The following DET1 variants were observed in gnomAD, a reference collection of about 807,000 sequenced individuals.
DET1 encodes DET1 homolog.
In DET1, 22 loss-of-function variants were observed where a neutral mutation model predicts 43.7. The ratio of observed to expected loss-of-function variants is 0.50; its 90% CI spans 0.36 to 0.72. The LOEUF (loss-of-function observed/expected upper bound fraction) is 0.72. Ranked by LOEUF, DET1 falls within the 30% of genes least tolerant of loss-of-function variation. The pLI is 0.00. For synonymous variants in DET1, 315 were observed against 266.2 expected (o/e 1.18, Z -1.79); for missense variants, 713 against 713.3 (o/e 1.00, Z 0.00).
At chr15:88,534,051 A>G (rs1010344215) in intron 1 of DET1, among the ~76,000 whole-genome samples, 5 of 152,118 alleles carry the variant, frequency 3.3e-5, no homozygotes, top group African/African-American at 1.2e-4. Context: ...CACAATGTGA[A>G]TATACTTAAT....
At position 88,530,623 on chromosome 15, in the gene DET1, C is replaced by A. The variant is rs773196851; in HGVS notation, c.1083G>T (p.Gln361His). The change falls in exon 2 of 5, where the codon CAG becomes CAT. Residue 361 changes from glutamine to histidine, a missense_variant and splice_region_variant. Transcript: ENST00000268148. ...TAAAAGGCAGGAGTGTACCTCATAC[C>A]TGTGATGGATCTGTGACTCGCAGTG... ...VVTLRVTDPS[Q>H]ASFFVVYNMV... The A allele has an allele frequency of 6.3e-7, 1 of 1,598,400 alleles. No individual in the cohort carries two copies. Among genetic ancestry groups the A allele is most frequent in the Non-Finnish European group, 8.5e-7 (1 of 1,171,582 alleles).
At chr15:88,524,720 T>C (rs529638351) in intron 3 of DET1, among the ~76,000 whole-genome samples, 83 of 152,262 alleles carry the variant, frequency 5.5e-4, no homozygotes, top group Admixed American at 3.9e-3. Flanking sequence ...CGGTGCAAGA[T>C]GTGCTTTGTT....
At position 88,519,402 on chromosome 15, in the gene DET1, C is replaced by T. The variant is rs901337743; in HGVS notation, c.1272-2429G>A. On this transcript the variant is annotated intron_variant, in intron 3 of 4. Coordinates refer to ENST00000268148, the MANE Select transcript of DET1 (RefSeq NM_001144074.3). ...CTTGACCTCCTCTCAACCTCAACTG[C>T]TTATTCCACAGTCACACCCTCAACC... Among the ~76,000 whole-genome samples the T allele has an allele frequency of 2.0e-5, 3 of 152,190 alleles. No homozygotes were observed. The East Asian group carries it at 5.8e-4, about 29-fold the overall frequency.
chr15:88,517,183 G>A (rs1170735267), intron 3 of DET1, among the ~76,000 whole-genome samples: 1 of 150,692 alleles, frequency 6.6e-6, no homozygotes, highest in Admixed American at 6.6e-5. Context: ...AACTAAAAAT[G>A]GAAAACAACA....
intron 1 of DET1, among the ~76,000 whole-genome samples, chr15:88,544,196 G>A (rs1425833117): frequency 2.0e-5 from 3 of 152,156 alleles, no homozygotes; most frequent in African/African-American, 2.4e-5. Flanking sequence ...TTCAGTGGAA[G>A]CTCCATTGTG....
At chr15:88,521,210 G>A (rs2056481729) in intron 3 of DET1, among the ~76,000 whole-genome samples, 1 of 152,132 alleles carries the variant, frequency 6.6e-6, no homozygotes, top group South Asian at 2.1e-4. Flanking sequence ...AGGGCCTTTA[G>A]ATATGCTATT....
At chr15:88,539,117 T>G (rs200696963) in intron 1 of DET1, among the ~76,000 whole-genome samples, 207 of 142,676 alleles carry the variant, frequency 1.5e-3, no homozygotes, top group African/African-American at 5.0e-3. Flanking sequence ...CTCTCTCTCT[T>G]TCTCTTATTC....
In DET1 at chr15:88,542,480, C is replaced by T. The variant is rs143356792; in HGVS notation, c.-11+4060G>A. Among the ~76,000 whole-genome samples, 825 of 152,286 alleles carry T rather than the reference C, an allele frequency of 5.4e-3. 3 individuals are homozygous for T. Among genetic ancestry groups the T allele is most frequent in the Middle Eastern group, 0.01 (3 of 294 alleles). ...CAGGAGGCTTATCGCATTTATACTC[C>T]TTTTGACCCGGTGGCTCCCGAAAAT... is the stretch of plus-strand genomic sequence containing the variant. On this transcript the variant is annotated intron_variant, in intron 1 of 4. Coordinates refer to ENST00000268148, the MANE Select transcript of DET1 (RefSeq NM_001144074.3).
At chr15:88,528,710 TAGA>T (rs1162945382) in intron 2 of DET1, among the ~76,000 whole-genome samples, 2 of 152,230 alleles carry the variant, frequency 1.3e-5, no homozygotes, top group African/African-American at 4.8e-5. Flanking sequence ...GACAGGACTC[TAGA>T]AGTTCTCAGA....
chr15:88,539,243 G>A (rs1444182528), intron 1 of DET1, among the ~76,000 whole-genome samples: 1 of 151,982 alleles, frequency 6.6e-6, no homozygotes, highest in Admixed American at 6.6e-5. Context: ...TAGCTCCACG[G>A]CGAAAGCTAC....
chr15:88,510,345 G>T (rs143351025), downstream of DET1, among the ~76,000 whole-genome samples: 19 of 152,234 alleles, frequency 1.2e-4, no homozygotes, highest in East Asian at 3.3e-3. Context: ...TGAGCAGAAG[G>T]GCCCAGATTC....
chr15:88,514,438 A>G (rs926561967), intron 4 of DET1, among the ~76,000 whole-genome samples: 5 of 152,252 alleles, frequency 3.3e-5, no homozygotes, highest in African/African-American at 1.2e-4. Context: ...CTCATATCCA[A>G]GAATTTATAT....
chr15:88,544,945 G>A (rs1484204055), intron 1 of DET1, among the ~76,000 whole-genome samples: 1 of 152,082 alleles, frequency 6.6e-6, no homozygotes, highest in Non-Finnish European at 1.5e-5. Flanking sequence ...GCAGGATTTG[G>A]GTGCTCTGGG....
At chr15:88,540,827 C>A (rs1055592161) in intron 1 of DET1, among the ~76,000 whole-genome samples, 7 of 134,668 alleles carry the variant, frequency 5.2e-5, no homozygotes, top group South Asian at 2.7e-4. Flanking sequence ...TCTCAAGTAC[C>A]CAGGGACACA....
chr15:88,511,050 G>A (rs776927606), downstream of DET1, among the ~76,000 whole-genome samples: 48 of 152,164 alleles, frequency 3.2e-4, no homozygotes, highest in Non-Finnish European at 6.0e-4. Context: ...GGGATTACAG[G>A]CATGAGCCAC....
chr15:88,529,195 A>C (rs1209446256), intron 2 of DET1, among the ~76,000 whole-genome samples: 1 of 152,242 alleles, frequency 6.6e-6, no homozygotes, highest in African/African-American at 2.4e-5. Flanking sequence ...CAAAATAAAA[A>C]GGTAATTATA....
At position 88,536,339 on chromosome 15, in the gene DET1, G is replaced by C. The variant is rs750209535; in HGVS notation, c.-10-4624C>G. The C allele has an allele frequency of 3.8e-5, 30 of 779,704 alleles. No homozygotes were observed. The East Asian group carries it at 6.8e-4, about 18-fold the overall frequency. The allele number at this position is 779,704 out of a possible 1,614,324, so 48.3% of individuals were successfully genotyped here. A position where few individuals can be genotyped will look rare whatever the true frequency, so the allele number is the denominator to read the frequency against. On this transcript the variant is annotated intron_variant, in intron 1 of 4. Transcript: ENST00000268148. ...TTTTAGTATCTGTCCCACCATACCAGAGAGCAGGGAACTGGTCTAATTCCT... is the reference window on the plus strand; with the variant it reads ...TTTTAGTATCTGTCCCACCATACCACAGAGCAGGGAACTGGTCTAATTCCT...
chr15:88,517,616 C>G (rs1484433742), intron 3 of DET1, among the ~76,000 whole-genome samples: 1 of 152,168 alleles, frequency 6.6e-6, no homozygotes, highest in Non-Finnish European at 1.5e-5. Context: ...TTTCTAATAA[C>G]AGCTCAACTG....
At chr15:88,520,530 T>C (rs2056462345) in intron 3 of DET1, among the ~76,000 whole-genome samples, 1 of 152,208 alleles carries the variant, frequency 6.6e-6, no homozygotes, top group Non-Finnish European at 1.5e-5. Flanking sequence ...TACAGAACTT[T>C]TGATCTTCTC....
Sources: allele counts gnomAD v4.1 joint callset (sites outside exome capture counted in the v4.1 genomes callset), GRCh38; gene constraint gnomAD v4.1.1; transcripts MANE v1.5; gene names NCBI Gene and HGNC (gene_info 2026-07-23, HGNC 2026-07-21).